Variants in RSPO2 observed in about 807,000 individuals in gnomAD.
RSPO2 encodes the protein R-spondin 2, also known as R-spondin-2.
RSPO2 carries 14 observed loss-of-function variants against 30.9 expected under a neutral mutation model. The observed-to-expected ratio is 0.45, with a 90% CI of 0.30 to 0.71. The LOEUF is 0.71. Among genes scored for constraint, RSPO2 ranks in the 30% least tolerant of loss-of-function variants. RSPO2 has a pLI of 0.08. For missense variants in RSPO2, 264 were observed against 301.9 expected (o/e 0.87, Z 0.93); for synonymous variants, 107 against 96.4 (o/e 1.11, Z -0.64).
intron 5 of RSPO2, among the ~76,000 whole-genome samples, chr8:107,929,507 A>G (rs776042912): frequency 5.3e-5 from 8 of 152,290 alleles, no homozygotes; most frequent in Admixed American, 3.3e-4. Flanking sequence ...AAGCAAGCAA[A>G]TAATATGCAC....
intron 5 of RSPO2, among the ~76,000 whole-genome samples, chr8:107,939,478 CTTTTTT>C (rs10558817): frequency 0.069 from 9,687 of 140,448 alleles, 380 homozygotes; most frequent in Non-Finnish European, 0.09. Context: ...ATTAAATTAT[CTTTTTT>C]TTTTTTTTTT....
chr8:108,017,989 A>C (rs1195610621), intron 2 of RSPO2, among the ~76,000 whole-genome samples: 2 of 152,252 alleles, frequency 1.3e-5, no homozygotes, highest in Non-Finnish European at 2.9e-5. Context: ...TTGAAGGCTC[A>C]GTCTACAGAA....
Position 108,082,794 on chromosome 8 carries a change from T to C in RSPO2, c.-156A>G. ...CGGTCAGTTCAGCGCGATCAGCATC[T>C]CTCCGCCACGAACCTGAGAGACAAG... On this transcript the variant is annotated 5_prime_UTR_variant, in exon 2 of 6. Coordinates refer to ENST00000276659, the MANE Select transcript of RSPO2 (RefSeq NM_178565.5). 2 of 582,464 alleles carry C rather than the reference T, an allele frequency of 3.4e-6. No homozygotes were observed. Among genetic ancestry groups the C allele is most frequent in the South Asian group, 2.2e-5 (1 of 44,892 alleles). 36.1% of individuals were successfully genotyped at this position (582,464 alleles called of 1,614,324 possible). A position where few individuals can be genotyped will look rare whatever the true frequency, so the allele number is the denominator to read the frequency against.
intron 2 of RSPO2, among the ~76,000 whole-genome samples, chr8:108,004,661 A>T (rs1206957034): frequency 6.6e-6 from 1 of 152,232 alleles, no homozygotes; most frequent in Non-Finnish European, 1.5e-5. Context: ...AAAAAGTGGC[A>T]AAACTATATG....
At chr8:107,992,077 A>G (rs1586608273) in intron 2 of RSPO2, among the ~76,000 whole-genome samples, 1 of 152,232 alleles carries the variant, frequency 6.6e-6, no homozygotes, top group South Asian at 2.1e-4. Flanking sequence ...ATAAAGACAC[A>G]TACACACATA....
chr8:108,044,735 T>C (rs1359114540), intron 2 of RSPO2, among the ~76,000 whole-genome samples: 2 of 152,124 alleles, frequency 1.3e-5, no homozygotes, highest in African/African-American at 4.8e-5. Context: ...AATGATATTG[T>C]TGGGTCAAAT....
chr8:108,063,243 C>T (rs1433633259), intron 2 of RSPO2, among the ~76,000 whole-genome samples: 1 of 151,762 alleles, frequency 6.6e-6, no homozygotes, highest in Non-Finnish European at 1.5e-5. Context: ...AGTCAATTGT[C>T]CCCGTTTGAA....
chr8:108,021,566 G>T (rs1811059434), intron 2 of RSPO2, among the ~76,000 whole-genome samples: 1 of 152,164 alleles, frequency 6.6e-6, no homozygotes, highest in Admixed American at 6.5e-5. Context: ...GGATTGAAGG[G>T]ATGTGCTAAT....
chr8:107,977,652 T>G (rs763133469), intron 3 of RSPO2, among the ~76,000 whole-genome samples: 2 of 152,080 alleles, frequency 1.3e-5, no homozygotes, highest in Non-Finnish European at 2.9e-5. Context: ...CAAATTTGTG[T>G]GGGGTGGTCC....
intron 5 of RSPO2, among the ~76,000 whole-genome samples, chr8:107,913,509 A>G (rs16876938): frequency 0.076 from 11,591 of 152,176 alleles, 1,490 homozygotes; most frequent in African/African-American, 0.27. Context: ...TCACTTCAGA[A>G]TCTTTGTCAA....
intron 2 of RSPO2, among the ~76,000 whole-genome samples, chr8:108,020,617 ACT>A (rs1031931276): frequency 2.6e-5 from 4 of 152,182 alleles, no homozygotes; most frequent in Admixed American, 2.0e-4. Flanking sequence ...ACTCATTTGA[ACT>A]CTTTTTCATA....
chr8:108,071,430 C>T (rs532084533), intron 2 of RSPO2, among the ~76,000 whole-genome samples: 3 of 152,234 alleles, frequency 2.0e-5, no homozygotes, highest in South Asian at 2.1e-4. Context: ...CTTCTGGGAA[C>T]GACTGCTGTA....
intron 3 of RSPO2, among the ~76,000 whole-genome samples, chr8:107,963,698 T>C (rs1458947900): frequency 6.6e-6 from 1 of 152,078 alleles, no homozygotes; most frequent in Non-Finnish European, 1.5e-5. Context: ...ATATCCTTTA[T>C]AATTACATTT....
At chr8:108,071,538 A>G (rs1261051165) in intron 2 of RSPO2, among the ~76,000 whole-genome samples, 2 of 152,222 alleles carry the variant, frequency 1.3e-5, no homozygotes, top group African/African-American at 4.8e-5. Flanking sequence ...GGCGGCCACA[A>G]GATATCTTTC....
intron 5 of RSPO2, among the ~76,000 whole-genome samples, chr8:107,957,150 A>G (rs1177568899): frequency 6.6e-6 from 1 of 152,240 alleles, no homozygotes; most frequent in Non-Finnish European, 1.5e-5. Flanking sequence ...ACCTGTTTTA[A>G]GCAGTTATAT....
chr8:108,081,124 G>T (rs181518835), intron 2 of RSPO2, among the ~76,000 whole-genome samples: 4 of 151,952 alleles, frequency 2.6e-5, no homozygotes, highest in Admixed American at 2.6e-4. Context: ...GGGAGGGAGA[G>T]AAGTTGGAGA....
chr8:107,901,030 A>T lies in RSPO2; in HGVS notation c.*45T>A. ...AGGAGTGGAGAGTAGCTTTGTGCACATTTGCAAAAACAAAAACCCCTAAAA... is the reference window on the plus strand; with the variant it reads ...AGGAGTGGAGAGTAGCTTTGTGCACTTTTGCAAAAACAAAAACCCCTAAAA... On this transcript the variant is annotated 3_prime_UTR_variant, in exon 6 of 6. Transcript: ENST00000276659. 6.2e-7 allele frequency: 1 copy of T among 1,606,902 alleles called. No homozygotes were observed. Among genetic ancestry groups the T allele is most frequent in the South Asian group, 1.1e-5 (1 of 89,866 alleles).
intron 5 of RSPO2, among the ~76,000 whole-genome samples, chr8:107,927,902 A>G (rs764675233): frequency 1.3e-5 from 2 of 152,148 alleles, no homozygotes; most frequent in Non-Finnish European, 2.9e-5. Context: ...TAAGGTTTAT[A>G]TAATGGAGAG....
chr8:107,930,085 C>T (rs1445735470), intron 5 of RSPO2, among the ~76,000 whole-genome samples: 7 of 152,106 alleles, frequency 4.6e-5, no homozygotes, highest in Non-Finnish European at 7.4e-5. Flanking sequence ...AACATCATTG[C>T]TAATTACCAT....
Sources: allele counts gnomAD v4.1 joint callset (sites outside exome capture counted in the v4.1 genomes callset), GRCh38; gene constraint gnomAD v4.1.1; transcripts MANE v1.5; gene names NCBI Gene and HGNC (gene_info 2026-07-23, HGNC 2026-07-21).